DLGAP2: variants seen among roughly 807,000 people sequenced by gnomAD.
The protein encoded by DLGAP2 is disks large-associated protein 2.
In DLGAP2, 26 loss-of-function variants were observed where a neutral mutation model predicts 100.3. That is an observed-to-expected ratio of 0.26 (90% CI 0.19 to 0.36). The LOEUF is 0.36. Among genes scored for constraint, DLGAP2 ranks in the 10% least tolerant of loss-of-function variants. DLGAP2 has a pLI of 1.00. For synonymous variants in DLGAP2, 886 were observed against 630.1 expected, an observed-to-expected ratio of 1.41 and a Z score of -6.08; for missense variants, 1,858 against 1,453.2, an observed-to-expected ratio of 1.28 and a Z score of -4.53.
intron 3 of DLGAP2, chr8:1,373,640 G>A (rs1802309549): frequency 6.6e-6 from 1 of 152,228 alleles, no homozygotes; most frequent in Non-Finnish European, 1.5e-5. Flanking sequence ...CTCGCTGAAG[G>A]GGTTCCAGTC....
At chr8:1,500,349 G>A (rs1799678688) in intron 3 of DLGAP2, among the ~76,000 whole-genome samples, 1 of 151,904 alleles carries the variant, frequency 6.6e-6, no homozygotes, top group Non-Finnish European at 1.5e-5. Flanking sequence ...AGGCAGCCTG[G>A]AGAGTCGGCA....
At chr8:1,248,645 G>A (rs1472034879) in intron 2 of DLGAP2, 1 of 151,826 alleles carries the variant, frequency 6.6e-6, no homozygotes, top group Non-Finnish European at 1.5e-5. Flanking sequence ...TGAGATCAGT[G>A]TGGGAGGCGG....
chr8:799,272 C>T (rs567655766), intron 1 of DLGAP2, among the ~76,000 whole-genome samples: 2 of 152,266 alleles, frequency 1.3e-5, no homozygotes, highest in South Asian at 4.2e-4. Context: ...AGTGGTCATG[C>T]CCAGGCACTT....
chr8:802,194 CTG>C lies in DLGAP2; in HGVS notation c.18+64370_18+64371del, dbSNP rs1291142970. Among the ~76,000 whole-genome samples the C allele has an allele frequency of 1.9e-4, 29 of 150,350 alleles. 1 individual carries two copies. Among genetic ancestry groups the C allele is most frequent in the African/African-American group, 4.1e-4 (17 of 41,024 alleles). On this transcript the variant is annotated intron_variant, in intron 1 of 14. Coordinates refer to ENST00000637795, the MANE Select transcript of DLGAP2 (RefSeq NM_001346810.2). ...CTGTCCTCATGGCCTGGGGAATGGT[CTG>C]CACTCCTCCTGGGCCCTCCATCCTC...
intron 1 of DLGAP2, among the ~76,000 whole-genome samples, chr8:763,355 A>G (rs1821134452): frequency 6.6e-6 from 1 of 152,230 alleles, no homozygotes; most frequent in African/African-American, 2.4e-5. Flanking sequence ...TTGCATATCA[A>G]GATAAAGAGC....
chr8:1,701,071 G>C, intron 14 of DLGAP2, 117 bp from the exon 15 acceptor site: 1 of 896,262 alleles, frequency 1.1e-6, no homozygotes, highest in South Asian at 1.8e-5. Context: ...AGTGAAGGAT[G>C]CGGCCCTGGG....
At chr8:1,122,246 C>G (rs955666544) in intron 2 of DLGAP2, among the ~76,000 whole-genome samples, 3 of 152,210 alleles carry the variant, frequency 2.0e-5, no homozygotes, top group Admixed American at 6.5e-5. Flanking sequence ...CCTGTTTCTC[C>G]TCTTCTGTCC....
At chr8:747,085 C>T (rs1045304594) in intron 1 of DLGAP2, among the ~76,000 whole-genome samples, 1 of 151,934 alleles carries the variant, frequency 6.6e-6, no homozygotes, top group Non-Finnish European at 1.5e-5. Context: ...CTGAGCTGTC[C>T]TGGTTCTCGG....
chr8:1,633,748 G>C (rs568712258), intron 8 of DLGAP2, among the ~76,000 whole-genome samples: 1 of 152,182 alleles, frequency 6.6e-6, no homozygotes, highest in African/African-American at 2.4e-5. Context: ...GTTAAGGAAA[G>C]GAGCTATAAA....
intron 14 of DLGAP2, among the ~76,000 whole-genome samples, chr8:1,699,592 C>T (rs1470469381): frequency 6.6e-6 from 1 of 151,394 alleles, no homozygotes; most frequent in Non-Finnish European, 1.5e-5. Flanking sequence ...GCAGCCTAGG[C>T]AACAGAGTGA....
chr8:1,197,217 A>T (rs2116746311), intron 2 of DLGAP2, among the ~76,000 whole-genome samples: 1 of 152,274 alleles, frequency 6.6e-6, no homozygotes, highest in African/African-American at 2.4e-5. Context: ...TGCAGAGTCC[A>T]CTTCAGGTCT....
chr8:1,590,871 A>G (rs930608377), intron 6 of DLGAP2, among the ~76,000 whole-genome samples: 7 of 152,146 alleles, frequency 4.6e-5, no homozygotes, highest in Admixed American at 3.9e-4. Flanking sequence ...TTCACTGTCA[A>G]TGTCATTACC....
chr8:1,203,522 A>C (rs1016268487), intron 2 of DLGAP2, among the ~76,000 whole-genome samples: 4 of 152,178 alleles, frequency 2.6e-5, no homozygotes, highest in Non-Finnish European at 4.4e-5. Flanking sequence ...TACCCTTCTC[A>C]GCGATCTCTG....
intron 2 of DLGAP2, among the ~76,000 whole-genome samples, chr8:1,064,868 C>A (rs1356624281): frequency 6.6e-6 from 1 of 152,158 alleles, no homozygotes; most frequent in Non-Finnish European, 1.5e-5. Context: ...ACACCTGGCC[C>A]CTGCACACAC....
chr8:759,650 A>C (rs993952001), intron 1 of DLGAP2, among the ~76,000 whole-genome samples: 2 of 152,016 alleles, frequency 1.3e-5, no homozygotes, highest in Non-Finnish European at 2.9e-5. Context: ...TGAGTCCAGC[A>C]CTCCGGTGTC....
chr8:1,182,019 C>G (rs937537767), intron 2 of DLGAP2, among the ~76,000 whole-genome samples: 2 of 152,202 alleles, frequency 1.3e-5, no homozygotes, highest in African/African-American at 4.8e-5. Context: ...CAGAAGCTGA[C>G]GTGGGAGGTT....
chr8:1,005,577 C>T (rs930281582), intron 2 of DLGAP2, among the ~76,000 whole-genome samples: 1 of 110,736 alleles, frequency 9.0e-6, no homozygotes, highest in Non-Finnish European at 2.0e-5. Flanking sequence ...CCCAGCTTGC[C>T]CAGCTAATTT....
chr8:1,188,199 G>A (rs1478540702), intron 2 of DLGAP2, among the ~76,000 whole-genome samples: 6 of 132,620 alleles, frequency 4.5e-5, no homozygotes, highest in Non-Finnish European at 7.8e-5. Flanking sequence ...CCTCTGTGAC[G>A]TTTCCCTCAC....
At chr8:978,418 G>A (rs532304418) in intron 2 of DLGAP2, among the ~76,000 whole-genome samples, 1 of 52,856 alleles carries the variant, frequency 1.9e-5, no homozygotes, top group African/African-American at 5.4e-5. Flanking sequence ...TGGGGAGGGC[G>A]TCGGGGATGC....
Sources: allele counts gnomAD v4.1 joint callset (sites outside exome capture counted in the v4.1 genomes callset), GRCh38; gene constraint gnomAD v4.1.1; transcripts MANE v1.5; gene names NCBI Gene and HGNC (gene_info 2026-07-23, HGNC 2026-07-21).